The following MGAM variants were observed in gnomAD, a reference collection of about 807,000 sequenced individuals.
The protein encoded by MGAM is alpha-1,4-glucosidase.
A neutral mutation model predicts 358.8 loss-of-function variants in MGAM; 253 were observed. That is an observed-to-expected ratio of 0.71 (90% CI 0.64 to 0.78). The LOEUF (loss-of-function observed/expected upper bound fraction) is 0.78. MGAM is among the 30% of genes least tolerant of loss of function. The pLI, the probability that MGAM is intolerant of heterozygous loss-of-function variation, is 0.00. For synonymous variants in MGAM, 1,105 were observed against 1,227.1 expected (o/e 0.90, Z 2.08); for missense variants, 3,080 against 3,432.6 (o/e 0.90, Z 2.57).
chr7:142,092,724 T>C, intron 59 of MGAM, 116 bp downstream of exon 59: 1 of 984,714 alleles, frequency 1.0e-6, no homozygotes, highest in South Asian at 1.5e-5. Context: ...ATGGCTGCTG[T>C]GGTTTACTGG....
chr7:142,059,786 T>C, intron 32 of MGAM, 70 bp from the exon 33 acceptor site: 1 of 1,569,874 alleles, frequency 6.4e-7, no homozygotes. Flanking sequence ...CCTTGAGGAG[T>C]TCTCCTTCAT....
At chr7:141,992,133 A>C (rs1279029416), upstream of MGAM, among the ~76,000 whole-genome samples, 1 of 152,192 alleles carries the variant, frequency 6.6e-6, no homozygotes, top group Non-Finnish European at 1.5e-5. Context: ...GGCAGATGCA[A>C]ACTGATCATA....
At chr7:142,038,204 T>A (rs981542901) in intron 18 of MGAM, among the ~76,000 whole-genome samples, 4 of 152,182 alleles carry the variant, frequency 2.6e-5, no homozygotes, top group South Asian at 4.1e-4. Flanking sequence ...TCCAGTTCCA[T>A]CCGTGTTGAT....
At position 142,029,191 on chromosome 7, in the gene MGAM, A is replaced by C. The variant is rs561862481; in HGVS notation, c.1222-1171A>C. On this transcript the variant is annotated intron_variant, in intron 10 of 70. Transcript: ENST00000475668. The stretch of plus-strand genomic sequence containing the variant: ...CAGTGAAACCCCGTCTCTACTAAAA[A>C]TACAACAACAACAAAAAAATTAGCT... Among the ~76,000 whole-genome samples, 12 of 152,238 alleles carry C rather than the reference A, an allele frequency of 7.9e-5. No individual in the cohort carries two copies. In the South Asian group the frequency reaches 2.5e-3, roughly 32 times the overall value.
In MGAM at chr7:142,032,821, G is replaced by A. The variant is rs782769782; in HGVS notation, c.1585-4G>A. ...CTTAATAGTTTTTGCTCTTTGTCTT[G>A]TAGGATATGAATGAAGTCTCCAACT... is the stretch of plus-strand genomic sequence containing the variant. On this transcript the variant is annotated splice_polypyrimidine_tract_variant and splice_region_variant and intron_variant, in intron 13 of 70. Coordinates refer to ENST00000475668, the MANE Select transcript of MGAM (RefSeq NM_001365693.1). 1.7e-5 allele frequency: 28 copies of A among 1,600,900 alleles called. No homozygotes were observed. Among genetic ancestry groups the A allele is most frequent in the Non-Finnish European group, 2.4e-5 (28 of 1,171,660 alleles).
intron 57 of MGAM, among the ~76,000 whole-genome samples, chr7:142,090,635 G>A (rs1286878274): frequency 6.9e-6 from 1 of 145,572 alleles, no homozygotes; most frequent in South Asian, 2.2e-4. Context: ...TGTCTATTGT[G>A]TGTAAGAACT....
At position 142,052,208 on chromosome 7, in the gene MGAM, T is replaced by C. The variant is rs556621519; in HGVS notation, c.2806-86T>C. On this transcript the variant is annotated intron_variant, in intron 24 of 70. Coordinates refer to ENST00000475668, the MANE Select transcript of MGAM (RefSeq NM_001365693.1). ...TTTGAAAGTCTGGTCTAATTTCTAT[T>C]TTTTTTTTATCGAAAAAAAAACCTC... The C allele has an allele frequency of 1.9e-4, 194 of 1,036,646 alleles. 1 individual carries two copies. In the African/African-American group the frequency reaches 5.0e-3, roughly 26 times the overall value. 64.2% of individuals were successfully genotyped at this position (1,036,646 alleles called of 1,614,324 possible). A position where few individuals can be genotyped will look rare whatever the true frequency, so the allele number is the denominator to read the frequency against.
chr7:142,045,016 TATGTATA>T (rs1809866300), intron 21 of MGAM, among the ~76,000 whole-genome samples: 1 of 93,938 alleles, frequency 1.1e-5, no homozygotes, highest in African/African-American at 3.8e-5. Context: ...TGATATATAA[TATGTATA>T]TTGTATACAC....
rs1287654707 is a variant in MGAM at position 142,086,205 on chromosome 7, G to A, written c.6637-13G>A. The A allele has an allele frequency of 1.3e-6, 2 of 1,520,378 alleles. No homozygotes were observed. Among genetic ancestry groups the A allele is most frequent in the Admixed American group, 3.7e-5 (2 of 53,960 alleles). 94.2% of individuals were successfully genotyped at this position (1,520,378 alleles called of 1,614,324 possible). ...CTTTGATTTTTCCCAACTGACTTAT[G>A]CTTTGATTTCAGGATCCAGCCATTT... is the stretch of plus-strand genomic sequence containing the variant. On this transcript the variant is annotated splice_polypyrimidine_tract_variant and intron_variant, in intron 55 of 70. Transcript: ENST00000475668.
At chr7:142,101,830 C>T (rs1816466538) in intron 68 of MGAM, among the ~76,000 whole-genome samples, 1 of 151,808 alleles carries the variant, frequency 6.6e-6, no homozygotes, top group South Asian at 2.1e-4. Flanking sequence ...ATTGCTTGTA[C>T]CCGGGAGGCG....
At chr7:142,105,175 A>C (rs1294658265) in intron 70 of MGAM, among the ~76,000 whole-genome samples, 1 of 152,228 alleles carries the variant, frequency 6.6e-6, no homozygotes, top group Non-Finnish European at 1.5e-5. Flanking sequence ...ATAGTGGAAT[A>C]GGAGAAGGAG....
At chr7:142,045,061 A>T (rs1809880477) in intron 21 of MGAM, among the ~76,000 whole-genome samples, 1 of 89,566 alleles carries the variant, frequency 1.1e-5, no homozygotes, top group Non-Finnish European at 2.2e-5. Flanking sequence ...TAATATGTAT[A>T]TTATATATAC....
chr7:141,991,404 G>GGTAA (rs1554447287), upstream of MGAM, among the ~76,000 whole-genome samples: 2 of 151,930 alleles, frequency 1.3e-5, no homozygotes, highest in Admixed American at 1.3e-4. Context: ...CAATGGTTAG[G>GGTAA]GTAAGGGTGG....
Position 142,033,808 on chromosome 7 carries a change from TCAAA to T in MGAM, c.1670-451_1670-448del, listed in dbSNP as rs549401479. On this transcript the variant is annotated intron_variant, in intron 14 of 70. Coordinates refer to ENST00000475668, the MANE Select transcript of MGAM (RefSeq NM_001365693.1). ...TTAAGATCCACAGATAATGTGGATC[TCAAA>T]CAGAGTGGTGCAATGGGAGCAGAGA... Among the ~76,000 whole-genome samples, 5 of 152,220 alleles carry T rather than the reference TCAAA, an allele frequency of 3.3e-5. No individual in the cohort carries two copies. In the South Asian group the frequency reaches 8.3e-4, roughly 25 times the overall value.
At chr7:142,010,232 G>GA (rs1171888857) in intron 3 of MGAM, among the ~76,000 whole-genome samples, 1 of 151,836 alleles carries the variant, frequency 6.6e-6, no homozygotes, top group Non-Finnish European at 1.5e-5. Context: ...ATGGATCTTA[G>GA]AAAAAAAGAT....
At chr7:142,012,139 A>G (rs1554454558) in intron 3 of MGAM, among the ~76,000 whole-genome samples, 1 of 152,176 alleles carries the variant, frequency 6.6e-6, no homozygotes, top group Non-Finnish European at 1.5e-5. Context: ...ACTTTGTCTC[A>G]TTCTACTCAT....
chr7:142,088,747 GTCTATCTATCTATCTATCTA>G (rs60202972), intron 57 of MGAM, among the ~76,000 whole-genome samples: 2,317 of 93,458 alleles, frequency 0.025, 194 homozygotes, highest in African/African-American at 0.033. Context: ...CTGTCTGTCT[GTCTATCTATCTATCTATCTA>G]TCTATCTATC....
At chr7:142,066,943 C>T (rs1812820829) in intron 41 of MGAM, among the ~76,000 whole-genome samples, 1 of 146,102 alleles carries the variant, frequency 6.8e-6, no homozygotes, top group African/African-American at 2.4e-5. Context: ...TGAAATGATG[C>T]AGTACAGCAT....
At chr7:142,048,829 G>T (rs985675863) in intron 22 of MGAM, among the ~76,000 whole-genome samples, 1 of 152,022 alleles carries the variant, frequency 6.6e-6, no homozygotes, top group Admixed American at 6.6e-5. Flanking sequence ...TATTTAATTG[G>T]CAAATAAAGA....
Sources: gnomAD v4.1 joint callset for allele counts (sites outside exome capture counted in the v4.1 genomes callset) on GRCh38, gnomAD v4.1.1 for gene constraint, MANE v1.5 for transcripts, NCBI Gene and HGNC (gene_info 2026-07-23, HGNC 2026-07-21) for gene names.